ZNF81: variants seen among roughly 807,000 people sequenced by gnomAD.
The protein encoded by ZNF81 is zinc finger protein 81.
Under a neutral mutation model 32.3 loss-of-function variants are expected in ZNF81, and 5 were observed. The observed-to-expected ratio is 0.15, with a 90% confidence interval of 0.08 to 0.33. The LOEUF is 0.33. Ranked by LOEUF, ZNF81 falls within the 10% of genes least tolerant of loss-of-function variation. The pLI is 1.00. For missense variants in ZNF81, 379 were observed against 479.8 expected (o/e 0.79, Z 1.96); for synonymous variants, 163 against 166.8 (o/e 0.98, Z 0.17).
At chrX:47,853,968 G>A (rs1556881560) in intron 2 of ZNF81, among the ~76,000 whole-genome samples, 1 of 112,570 alleles carries the variant, frequency 8.9e-6, no homozygotes, top group Non-Finnish European at 1.9e-5. Flanking sequence ...AGCTATGAAA[G>A]TCCTAGCTGG....
intron 2 of ZNF81, among the ~76,000 whole-genome samples, chrX:47,881,555 T>C (rs1465578952): frequency 1.8e-5 from 2 of 111,810 alleles, no homozygotes; most frequent in Non-Finnish European, 3.8e-5. Context: ...AGCTGTTTGC[T>C]CTTTACTTAA....
intron 2 of ZNF81, among the ~76,000 whole-genome samples, chrX:47,864,491 C>A (rs1164492370): frequency 8.9e-6 from 1 of 111,778 alleles, no homozygotes; most frequent in Non-Finnish European, 1.9e-5. Flanking sequence ...CATCAATTTG[C>A]CAGGAGTGAG....
chrX:47,870,993 A>G (rs782666281), intron 2 of ZNF81, among the ~76,000 whole-genome samples: 4 of 111,474 alleles, frequency 3.6e-5, no homozygotes, highest in Non-Finnish European at 7.5e-5. Flanking sequence ...CCATTTGCCC[A>G]TTTTCTTTTG....
chrX:47,846,220 G>T lies in ZNF81; in HGVS notation c.-48G>T. On this transcript the variant is annotated 5_prime_UTR_variant, in exon 2 of 5. Transcript: ENST00000338637. ...CCACCGATCCCACTGGAATTATAAAGTTGTCAGCAAGAAAGCCCCAGGGCT... is the reference window on the plus strand; with the variant it reads ...CCACCGATCCCACTGGAATTATAAATTTGTCAGCAAGAAAGCCCCAGGGCT... 8.4e-7 allele frequency: 1 copy of T among 1,190,461 alleles called. No homozygotes were observed. Among genetic ancestry groups the T allele is most frequent in the Non-Finnish European group, 1.1e-6 (1 of 883,264 alleles).
chrX:47,906,645 C>T (rs781907577), intron 4 of ZNF81, among the ~76,000 whole-genome samples: 2 of 110,710 alleles, frequency 1.8e-5, no homozygotes, highest in Admixed American at 1.9e-4. Context: ...AGTGAAACCC[C>T]GTCTCTACTA....
chrX:47,838,224 C>T (rs1412872620), intron 1 of ZNF81, among the ~76,000 whole-genome samples: 1 of 111,432 alleles, frequency 9.0e-6, no homozygotes, highest in Non-Finnish European at 1.9e-5. Context: ...TGGCAGATTC[C>T]TTGGATTTTC....
intron 3 of ZNF81, among the ~76,000 whole-genome samples, chrX:47,894,182 A>G (rs1351181337): frequency 3.6e-5 from 4 of 111,744 alleles, no homozygotes; most frequent in African/African-American, 1.3e-4. Context: ...ATGGAAAATG[A>G]CTAATGCGAG....
chrX:47,906,486 A>G (rs2148040009), intron 4 of ZNF81, among the ~76,000 whole-genome samples: 1 of 106,934 alleles, frequency 9.4e-6, no homozygotes, highest in East Asian at 2.9e-4. Context: ...TTCTTTTTTT[A>G]AACAAAGGGT....
intron 2 of ZNF81, among the ~76,000 whole-genome samples, chrX:47,871,814 A>G (rs553172037): frequency 4.6e-4 from 52 of 112,218 alleles, no homozygotes; most frequent in African/African-American, 1.6e-3. Flanking sequence ...TGTGGCAGCT[A>G]TTGCTGCTGC....
rs189242273 is a variant in ZNF81 at position 47,878,514 on chromosome X, G to A, written c.55-9485G>A. 5.3e-3 allele frequency among the ~76,000 whole-genome samples: 592 copies of A among 112,577 alleles called. 2 individuals are homozygous for A. The highest frequency in any genetic ancestry group is 9.1e-3 in the Non-Finnish European group (487 of 53,276). The stretch of plus-strand genomic sequence containing the variant: ...CTCAATGACATCCCCCGATTGGGGG[G>A]AACCTGAGACTGACCATCACATTGG... On this transcript the variant is annotated intron_variant, in intron 2 of 4. Coordinates refer to ENST00000338637, the MANE Select transcript of ZNF81 (RefSeq NM_007137.5).
intron 4 of ZNF81, among the ~76,000 whole-genome samples, chrX:47,908,666 A>G (rs1569393083): frequency 8.9e-6 from 1 of 112,613 alleles, no homozygotes; most frequent in African/African-American, 3.2e-5. Flanking sequence ...GATGAGCATT[A>G]TGCTATATTC....
chrX:47,865,908 C>T (rs1408321472), intron 2 of ZNF81, among the ~76,000 whole-genome samples: 3 of 111,822 alleles, frequency 2.7e-5, no homozygotes, highest in East Asian at 5.6e-4. Context: ...CTAATACCAC[C>T]GTCAGAGCCA....
At position 47,843,432 on chromosome X, in the gene ZNF81, TACACAC is replaced by T. The variant is rs782116296; in HGVS notation, c.-163-2645_-163-2640del. 0.015 allele frequency among the ~76,000 whole-genome samples: 1,428 copies of T among 96,866 alleles called. 72 individuals are homozygous for T. The East Asian group carries it at 0.18, about 12-fold the overall frequency. 84.1% of individuals were successfully genotyped at this position (96,866 alleles called of 115,157 possible). On this transcript the variant is annotated intron_variant, in intron 1 of 4. Transcript: ENST00000338637. Reference sequence around the variant, plus strand: ...AATTATCTTATGTTATTCCTATATCTACACACACACACACACACACACACACACACA... The same window carrying T: ...AATTATCTTATGTTATTCCTATATCTACACACACACACACACACACACACA...
intron 2 of ZNF81, among the ~76,000 whole-genome samples, chrX:47,876,359 C>T (rs1037020501): frequency 8.9e-6 from 1 of 112,417 alleles, no homozygotes; most frequent in Non-Finnish European, 1.9e-5. Flanking sequence ...TAGGGGTTCT[C>T]CAAATCCCAA....
chrX:47,855,422 G>A (rs782604001), intron 2 of ZNF81, among the ~76,000 whole-genome samples: 22 of 110,771 alleles, frequency 2.0e-4, no homozygotes, highest in Non-Finnish European at 3.4e-4. Context: ...ATGAAACCAT[G>A]TATGCCTATA....
chrX:47,911,426 A>G (rs782780487), intron 4 of ZNF81, among the ~76,000 whole-genome samples: 2 of 94,756 alleles, frequency 2.1e-5, no homozygotes, highest in Non-Finnish European at 3.8e-5. Flanking sequence ...ATTCTTCCCT[A>G]TTTCTGTTTC....
chrX:47,901,524 T>A (rs1013073446), intron 4 of ZNF81, among the ~76,000 whole-genome samples: 8 of 111,947 alleles, frequency 7.1e-5, no homozygotes, highest in Non-Finnish European at 1.3e-4. Flanking sequence ...CATGAATTGA[T>A]GTTGAATTTT....
chrX:47,899,002 T>G (rs1182990880), intron 4 of ZNF81, among the ~76,000 whole-genome samples: 1 of 111,968 alleles, frequency 8.9e-6, no homozygotes, highest in Non-Finnish European at 1.9e-5. Flanking sequence ...TTCTTGTAAG[T>G]TCCTCAGGAT....
chrX:47,865,662 G>C (rs1271276909), intron 2 of ZNF81, among the ~76,000 whole-genome samples: 1 of 111,913 alleles, frequency 8.9e-6, no homozygotes, highest in African/African-American at 3.3e-5. Context: ...CCAATATAAA[G>C]GATCTAGTAG....
Sources: allele counts gnomAD v4.1 joint callset (sites outside exome capture counted in the v4.1 genomes callset), GRCh38; gene constraint gnomAD v4.1.1; transcripts MANE v1.5; gene names NCBI Gene and HGNC (gene_info 2026-07-23, HGNC 2026-07-21).